The following TERT variants were observed in gnomAD, a reference collection of about 807,000 sequenced individuals.
TERT encodes telomerase catalytic subunit.
A neutral mutation model predicts 104.0 loss-of-function variants in TERT; 42 were observed. That is an observed-to-expected ratio of 0.40 (90% confidence interval 0.32 to 0.52). The LOEUF is 0.52. Ranked by LOEUF, TERT falls within the 20% of genes least tolerant of loss-of-function variation. TERT has a pLI of 0.43. For missense variants in TERT, 1,101 were observed against 1,610.3 expected (o/e 0.68, Z 5.41); for synonymous variants, 781 against 725.6 (o/e 1.08, Z -1.23).
In TERT at chr5:1,255,416, G is replaced by A. The variant is rs1561187195; in HGVS notation, c.3033-5C>T. ...TGCAGCACACATGCGTGAAACCTGAGAGGATGGCGGACAGCGTCAGAGGAA... is the reference window on the plus strand; with the variant it reads ...TGCAGCACACATGCGTGAAACCTGAAAGGATGGCGGACAGCGTCAGAGGAA... On this transcript the variant is annotated splice_polypyrimidine_tract_variant and splice_region_variant and intron_variant, in intron 13 of 15. Coordinates refer to ENST00000310581, the MANE Select transcript of TERT (RefSeq NM_198253.3). The surrounding 1 kb of genome is among the most constrained non-coding windows in gnomAD (Gnocchi z 6.9). 3.1e-6 allele frequency: 5 copies of A among 1,614,060 alleles called. No homozygotes were observed. The highest frequency in any genetic ancestry group is 4.2e-6 in the Non-Finnish European group (5 of 1,180,032).
rs1412892998 is a variant in TERT, at chr5:1,265,306, G to A, written c.2655-714C>T. Among the ~76,000 whole-genome samples the A allele has an allele frequency of 2.6e-5, 4 of 152,212 alleles. No individual in the cohort carries two copies. The highest frequency in any genetic ancestry group is 6.5e-5 in the Admixed American group (1 of 15,288). ...TCCTGTGGCCTGGCCCTGGGACCTC[G>A]GCCAGCTGCGCAGCTCCCCTGGTGC... is the stretch of plus-strand genomic sequence containing the variant. On this transcript the variant is annotated intron_variant, in intron 10 of 15. Transcript: ENST00000310581. This position sits in a 1 kb window ranked among gnomAD's most constrained non-coding sequence, Gnocchi z 6.9.
rs186596886 is a variant in TERT at position 1,293,494 on chromosome 5, G to A, written c.1392C>T (p.Phe464=). ...QHSSPWQVYG[F]VRACLRRLVP... is the part of the protein sequence containing the mutation. Reference sequence around the variant, plus strand: ...CCAGCCGGCGCAGGCAGGCCCGCACGAAGCCGTACACCTGCCAGGGGCTGC... The same window carrying A: ...CCAGCCGGCGCAGGCAGGCCCGCACAAAGCCGTACACCTGCCAGGGGCTGC... Residue 464 remains phenylalanine, a synonymous_variant, in exon 2 of 16, where the codon TTC becomes TTT. Transcript: ENST00000310581. 862 of 1,587,594 alleles carry A rather than the reference G, an allele frequency of 5.4e-4. 13 individuals carry two copies. In the South Asian group the frequency reaches 8.4e-3, roughly 15 times the overall value.
chr5:1,293,810 C>T lies in TERT; in HGVS notation c.1076G>A (p.Arg359Lys). The part of the protein sequence containing the change: ...SLRPSLTGAR[R>K]LVETIFLGSR... ...ACCCAGAAAGATGGTCTCCACGAGC[C>T]TCCGAGCGCCAGTCAGGCTGGGCCT... Residue 359 changes from arginine to lysine, a missense_variant, in exon 2 of 16, where the codon AGG becomes AAG. Arg to Lys is a conservative substitution (Grantham distance 26). Coordinates refer to ENST00000310581, the MANE Select transcript of TERT (RefSeq NM_198253.3). The T allele has an allele frequency of 6.4e-7, 1 of 1,550,784 alleles. No homozygotes were observed. Among genetic ancestry groups the T allele is most frequent in the South Asian group, 1.2e-5 (1 of 84,118 alleles).
At position 1,259,163 on chromosome 5, in the gene TERT, C is replaced by T. The variant is rs572036500; in HGVS notation, c.2971-504G>A. Among the ~76,000 whole-genome samples, 625 of 129,348 alleles carry T rather than the reference C, an allele frequency of 4.8e-3. 2 individuals carry two copies. The highest frequency in any genetic ancestry group is 0.013 in the Middle Eastern group (2 of 158). 84.9% of individuals were successfully genotyped at this position (129,348 alleles called of 152,430 possible). On this transcript the variant is annotated intron_variant, in intron 12 of 15. Coordinates refer to ENST00000310581, the MANE Select transcript of TERT (RefSeq NM_198253.3). ...ATGCCCACAGGAGAGGGAGTGGACG[C>T]GGATGCCCACAGGAGAGGGGGAGTG...
Position 1,272,164 on chromosome 5 carries a change from C to A in TERT, c.2382+21G>T, listed in dbSNP as rs370677581. 2.0e-5 allele frequency: 32 copies of A among 1,591,536 alleles called. No individual in the cohort carries two copies. In the Middle Eastern group the frequency reaches 5.0e-4, roughly 25 times the overall value. On this transcript the variant is annotated intron_variant, in intron 7 of 15. Coordinates refer to ENST00000310581, the MANE Select transcript of TERT (RefSeq NM_198253.3). ...CCACTGCTGGGAGTCCGTGCCCAACCCTGCAGGGCAGTGCCCAGACCTGCT... is the reference window on the plus strand; with the variant it reads ...CCACTGCTGGGAGTCCGTGCCCAACACTGCAGGGCAGTGCCCAGACCTGCT...
intron 11 of TERT, among the ~76,000 whole-genome samples, chr5:1,260,821 A>C (rs1748181964): frequency 6.6e-6 from 1 of 152,200 alleles, no homozygotes; most frequent in Admixed American, 6.5e-5. Context: ...CTGGCTAGTG[A>C]TGTTGAGTGT....
chr5:1,256,991 G>A lies in TERT; in HGVS notation c.3033-1580C>T, dbSNP rs890256118. Among the ~76,000 whole-genome samples the A allele has an allele frequency of 3.3e-5, 5 of 152,190 alleles. No individual in the cohort carries two copies. Among genetic ancestry groups the A allele is most frequent in the Admixed American group, 6.5e-5 (1 of 15,288 alleles). ...CCTCGCCCACTGCAGCCTGGCTGCC[G>A]TGAAATCGGGGCCCAGCTCTCCGTT... On this transcript the variant is annotated intron_variant, in intron 13 of 15. Coordinates refer to ENST00000310581, the MANE Select transcript of TERT (RefSeq NM_198253.3). This position sits in a 1 kb window ranked among gnomAD's most constrained non-coding sequence, Gnocchi z 7.0.
chr5:1,281,144 A>G (rs971597852), intron 3 of TERT, among the ~76,000 whole-genome samples: 2 of 152,250 alleles, frequency 1.3e-5, no homozygotes, highest in Admixed American at 1.3e-4. Flanking sequence ...GGTCACCCCA[A>G]TTAAATTCTT....
At position 1,266,457 on chromosome 5, in the gene TERT, G is replaced by A; in HGVS notation, c.2654+7C>T. On this transcript the variant is annotated splice_region_variant and intron_variant, in intron 10 of 15. Transcript: ENST00000310581. ...AGGTCCCCACAGACACACGGCACGG[G>A]CCTCACCTGAGGAAGGTTTTCGCGT... is the stretch of plus-strand genomic sequence containing the variant. 6.2e-7 allele frequency: 1 copy of A among 1,605,058 alleles called. No individual in the cohort carries two copies.
At chr5:1,280,421 C>A (rs886221480) in intron 3 of TERT, 83 bp from the exon 4 acceptor site, 2 of 1,468,870 alleles carry the variant, frequency 1.4e-6, no homozygotes, top group South Asian at 1.2e-5. Flanking sequence ...AAGCCCCCAC[C>A]GACTCAGTGA....
Position 1,262,602 on chromosome 5 carries a change from A to G in TERT, c.2843+1802T>C, listed in dbSNP as rs1561192025. ...TTTAGAGCCACCTCTGCAAGCACAC[A>G]CTCTGACCAAGTGGCCTTTGGGAGC... On this transcript the variant is annotated intron_variant, in intron 11 of 15. Coordinates refer to ENST00000310581, the MANE Select transcript of TERT (RefSeq NM_198253.3). This position sits in a 1 kb window ranked among gnomAD's most constrained non-coding sequence, Gnocchi z 5.6. Among the ~76,000 whole-genome samples, 1 of 152,072 alleles carries G rather than the reference A, an allele frequency of 6.6e-6. No homozygotes were observed. The highest frequency in any genetic ancestry group is 2.4e-5 in the African/African-American group (1 of 41,386).
chr5:1,277,993 T>C (rs1348661198), intron 6 of TERT, among the ~76,000 whole-genome samples: 1 of 151,216 alleles, frequency 6.6e-6, no homozygotes, highest in Non-Finnish European at 1.5e-5. Flanking sequence ...GGGAGGAGTG[T>C]GTCCCGGGGA....
rs971836101 is a variant in TERT, at chr5:1,262,649, C to A, written c.2843+1755G>T. Among the ~76,000 whole-genome samples, 2 of 152,172 alleles carry A rather than the reference C, an allele frequency of 1.3e-5. No homozygotes were observed. Among genetic ancestry groups the A allele is most frequent in the Non-Finnish European group, 2.9e-5 (2 of 68,034 alleles). On this transcript the variant is annotated intron_variant, in intron 11 of 15. Transcript: ENST00000310581. The surrounding 1 kb of genome is among the most constrained non-coding windows in gnomAD (Gnocchi z 5.6). ...GAGCACAGAATATTCTGGCATTGGA[C>A]CCACATCTGATGACCTGATGCCCAC...
Position 1,287,477 on chromosome 5 carries a change from G to A in TERT, c.1574-4853C>T, listed in dbSNP as rs1001805240. On this transcript the variant is annotated intron_variant, in intron 2 of 15. Coordinates refer to ENST00000310581, the MANE Select transcript of TERT (RefSeq NM_198253.3). The surrounding 1 kb of genome is among the most constrained non-coding windows in gnomAD (Gnocchi z 4.3). The stretch of plus-strand genomic sequence containing the variant: ...TCACACCACTGCACTCACCCTGGGC[G>A]ACAGACCAAGACTCTGTCTCAAAAA... Among the ~76,000 whole-genome samples the A allele has an allele frequency of 3.6e-5, 5 of 138,172 alleles. No individual in the cohort carries two copies. The highest frequency in any genetic ancestry group is 4.2e-4 in the East Asian group (2 of 4,768). The allele number at this position is 138,172 out of a possible 152,430, so 90.6% of individuals were successfully genotyped here. A position where few individuals can be genotyped will look rare whatever the true frequency, so the allele number is the denominator to read the frequency against.
rs990050860 is a variant in TERT, at chr5:1,288,220, C to T, written c.1573+5093G>A. Among the ~76,000 whole-genome samples the T allele has an allele frequency of 1.6e-4, 24 of 151,950 alleles. No homozygotes were observed. The highest frequency in any genetic ancestry group is 6.0e-4 in the Admixed American group (9 of 15,118). On this transcript the variant is annotated intron_variant, in intron 2 of 15. Coordinates refer to ENST00000310581, the MANE Select transcript of TERT (RefSeq NM_198253.3). This position sits in a 1 kb window ranked among gnomAD's most constrained non-coding sequence, Gnocchi z 5.3. Reference sequence around the variant, plus strand: ...TTAACACTTTGAAGTATTTTAAGAACACTTGAAAGTGGCTGATGTTGAGAT... The same window carrying T: ...TTAACACTTTGAAGTATTTTAAGAATACTTGAAAGTGGCTGATGTTGAGAT...
At position 1,256,622 on chromosome 5, in the gene TERT, T is replaced by A. The variant is rs1747757351; in HGVS notation, c.3033-1211A>T. ...GAGCCACTTCTGGAATGACCTGAGATCACACCAGTCAAGCCAGCACCCCGG... is the reference window on the plus strand; with the variant it reads ...GAGCCACTTCTGGAATGACCTGAGAACACACCAGTCAAGCCAGCACCCCGG... On this transcript the variant is annotated intron_variant, in intron 13 of 15. Transcript: ENST00000310581. The surrounding 1 kb of genome is among the most constrained non-coding windows in gnomAD (Gnocchi z 7.0). 6.6e-6 allele frequency among the ~76,000 whole-genome samples: 1 copy of A among 152,046 alleles called. No homozygotes were observed. The highest frequency in any genetic ancestry group is 6.6e-5 in the Admixed American group (1 of 15,262).
Position 1,257,555 on chromosome 5 carries a change from GCCGGACGCA to G in TERT, c.3032+1034_3032+1042del, listed in dbSNP as rs1405105777. ...GAAGGCAGAGAGGAGGGCGGTCTGA[GCCGGACGCA>G]CCCTGGAACTGAGACAGCCTGGTCC... On this transcript the variant is annotated intron_variant, in intron 13 of 15. Coordinates refer to ENST00000310581, the MANE Select transcript of TERT (RefSeq NM_198253.3). This position sits in a 1 kb window ranked among gnomAD's most constrained non-coding sequence, Gnocchi z 5.6. Among the ~76,000 whole-genome samples, 3 of 152,228 alleles carry G rather than the reference GCCGGACGCA, an allele frequency of 2.0e-5. No homozygotes were observed. Among genetic ancestry groups the G allele is most frequent in the Non-Finnish European group, 2.9e-5 (2 of 68,038 alleles).
At chr5:1,267,281 C>T (rs1380578280) in intron 9 of TERT, among the ~76,000 whole-genome samples, 3 of 152,194 alleles carry the variant, frequency 2.0e-5, no homozygotes, top group South Asian at 2.1e-4. Context: ...GGCTTCCTGA[C>T]GCATCCTTCA....
Position 1,268,368 on chromosome 5 carries a change from G to A in TERT, c.2582+152C>T, listed in dbSNP as rs933107181. On this transcript the variant is annotated intron_variant, in intron 9 of 15. Coordinates refer to ENST00000310581, the MANE Select transcript of TERT (RefSeq NM_198253.3). The surrounding 1 kb of genome is among the most constrained non-coding windows in gnomAD (Gnocchi z 5.5). ...GTCCTCAGGCTGTGCAACCCCTCCCGTGCGGCTTCATACCAAGAAGGGGCT... is the reference window on the plus strand; with the variant it reads ...GTCCTCAGGCTGTGCAACCCCTCCCATGCGGCTTCATACCAAGAAGGGGCT... 1.1e-5 allele frequency: 7 copies of A among 664,020 alleles called. No homozygotes were observed. Among genetic ancestry groups the A allele is most frequent in the African/African-American group, 5.4e-5 (3 of 55,782 alleles). 41.1% of individuals were successfully genotyped at this position (664,020 alleles called of 1,614,324 possible). A position where few individuals can be genotyped will look rare whatever the true frequency, so the allele number is the denominator to read the frequency against.
Sources: allele counts gnomAD v4.1 joint callset (sites outside exome capture counted in the v4.1 genomes callset), GRCh38; gene constraint gnomAD v4.1.1; non-coding constraint Gnocchi (gnomAD v3.1); transcripts MANE v1.5; gene names NCBI Gene and HGNC (gene_info 2026-07-23, HGNC 2026-07-21).